The following GPR176 variants were observed in gnomAD, a reference collection of about 807,000 sequenced individuals.
GPR176 encodes G protein-coupled receptor 176.
In GPR176, 26 loss-of-function variants were observed where a neutral mutation model predicts 35.4. That is an observed-to-expected ratio of 0.74 (90% CI 0.54 to 1.02). The LOEUF (loss-of-function observed/expected upper bound fraction) is 1.02. Ranked by LOEUF, GPR176 falls within the 50% of genes least tolerant of loss-of-function variation. The probability of loss-of-function intolerance (pLI) is 0.00; values close to 1 mark genes in which losing one functional copy is unlikely to be tolerated. For missense variants in GPR176, 597 were observed against 665.3 expected, an observed-to-expected ratio of 0.90 and a Z score of 1.13; for synonymous variants, 278 against 271.3, an observed-to-expected ratio of 1.02 and a Z score of -0.24.
chr15:39,879,907 A>G (rs939009522), intron 1 of GPR176, among the ~76,000 whole-genome samples: 15 of 152,300 alleles, frequency 9.8e-5, no homozygotes, highest in African/African-American at 3.4e-4. Context: ...CTCATTTGCT[A>G]AAGATTTTAG....
chr15:39,878,023 T>G (rs535600955), intron 1 of GPR176, among the ~76,000 whole-genome samples: 2 of 152,216 alleles, frequency 1.3e-5, no homozygotes, highest in Admixed American at 1.3e-4. Context: ...GTATACATGA[T>G]GTTTTGATAT....
chr15:39,859,687 T>C (rs1257710305), intron 1 of GPR176, among the ~76,000 whole-genome samples: 2 of 152,162 alleles, frequency 1.3e-5, no homozygotes, highest in Admixed American at 6.5e-5. Context: ...GAAGATATTA[T>C]ACCAAGTAAA....
intron 1 of GPR176, among the ~76,000 whole-genome samples, chr15:39,872,019 A>G (rs1382843547): frequency 1.3e-5 from 2 of 152,206 alleles, no homozygotes; most frequent in African/African-American, 4.8e-5. Flanking sequence ...TTCAGCATTT[A>G]TTTTCTGAGC....
chr15:39,801,630 T>C lies in GPR176; in HGVS notation c.1050A>G (p.Thr350=), dbSNP rs1437293061. ...HRYSRRNVVS[T]GSGMAEASLE... is the part of the protein sequence containing the mutation. ...GGCTGGCCTCAGCCATGCCACTCCC[T>C]GTACTGACCACATTACGGCGACTGT... The change falls in exon 3 of 3, where the codon ACA becomes ACG. Residue 350 remains threonine, a synonymous_variant. Coordinates refer to ENST00000561100, the MANE Select transcript of GPR176 (RefSeq NM_007223.3). The C allele has an allele frequency of 6.2e-7, 1 of 1,614,032 alleles. No individual in the cohort carries two copies. The highest frequency in any genetic ancestry group is 1.3e-5 in the African/African-American group (1 of 74,930).
chr15:39,880,879 T>C (rs951782807), intron 1 of GPR176, among the ~76,000 whole-genome samples: 2 of 152,220 alleles, frequency 1.3e-5, no homozygotes, highest in African/African-American at 2.4e-5. Context: ...GCCTCATAAT[T>C]AGTCTCCCTA....
intron 1 of GPR176, among the ~76,000 whole-genome samples, chr15:39,855,565 G>A (rs1158086559): frequency 6.6e-6 from 1 of 152,104 alleles, no homozygotes; most frequent in East Asian, 1.9e-4. Context: ...TTTGGTTCTC[G>A]CAAGCAGCTG....
intron 1 of GPR176, among the ~76,000 whole-genome samples, chr15:39,886,018 G>A (rs888537480): frequency 5.3e-5 from 8 of 152,188 alleles, no homozygotes; most frequent in African/African-American, 1.9e-4. Flanking sequence ...TGGATCACCT[G>A]AGGTCGGGAG....
chr15:39,891,767 A>G (rs2032881790), intron 1 of GPR176, among the ~76,000 whole-genome samples: 1 of 152,190 alleles, frequency 6.6e-6, no homozygotes, highest in African/African-American at 2.4e-5. Flanking sequence ...TAAGCCCAGG[A>G]GTTGGAGACT....
chr15:39,811,178 T>C (rs1899522244), intron 1 of GPR176, among the ~76,000 whole-genome samples: 1 of 152,082 alleles, frequency 6.6e-6, no homozygotes, highest in Non-Finnish European at 1.5e-5. Flanking sequence ...TTTAGAATAT[T>C]TGTGTTTTTA....
rs552278425 is a variant in GPR176, at chr15:39,897,233, T to G, written c.172+22622A>C. On this transcript the variant is annotated intron_variant, in intron 1 of 2. Transcript: ENST00000561100. The stretch of plus-strand genomic sequence containing the variant: ...GTATCCTTAATGAAGCTGGCAATTC[T>G]GATTCTCTTTTGCATGCCTTTCTCC... Among the ~76,000 whole-genome samples the G allele has an allele frequency of 5.3e-5, 8 of 152,370 alleles. 1 individual carries two copies. In the South Asian group the frequency reaches 1.5e-3, roughly 28 times the overall value.
chr15:39,806,980 G>A, intron 2 of GPR176, 26 bp downstream of exon 2: 1 of 1,553,534 alleles, frequency 6.4e-7, no homozygotes, highest in Non-Finnish European at 8.7e-7. Flanking sequence ...AAAAAAAAAA[G>A]TTAGCTCCTG....
intron 1 of GPR176, among the ~76,000 whole-genome samples, chr15:39,851,465 T>C (rs2030860088): frequency 6.6e-6 from 1 of 152,186 alleles, no homozygotes; most frequent in Non-Finnish European, 1.5e-5. Flanking sequence ...CTCAAACTGA[T>C]GTTCTCATGT....
chr15:39,800,902 G>A lies in GPR176; in HGVS notation c.*230C>T, dbSNP rs1290835265. ...CTCTTGTCCCCACAGAGAATAATGT[G>A]GACTTCACTAAGGACATGGATCACT... is the stretch of plus-strand genomic sequence containing the variant. On this transcript the variant is annotated 3_prime_UTR_variant, in exon 3 of 3. Transcript: ENST00000561100. 2.1e-6 allele frequency: 1 copy of A among 477,932 alleles called. No individual in the cohort carries two copies. The highest frequency in any genetic ancestry group is 2.0e-5 in the African/African-American group (1 of 51,234). 29.6% of individuals were successfully genotyped at this position (477,932 alleles called of 1,614,324 possible).
rs768107128 is a variant in GPR176 at position 39,801,902 on chromosome 15, G to A, written c.778C>T (p.Arg260Trp). 15 of 1,613,266 alleles carry A rather than the reference G, an allele frequency of 9.3e-6. No homozygotes were observed. The highest frequency in any genetic ancestry group is 2.7e-5 in the African/African-American group (2 of 74,856). ...NTISIPYASQ[R>W]EAELHATLLS... is the part of the protein sequence containing the mutation. ...AGGGTGGCGTGCAGCTCGGCCTCCC[G>A]CTGGGAGGCATAGGGAATAGAGATG... Residue 260 changes from arginine (R) to tryptophan (W), a missense_variant, in exon 3 of 3, where the codon CGG becomes TGG. Arg to Trp is a moderately radical substitution (Grantham distance 101). This residue lies in a region of GPR176 where 220 missense variants were observed against 297.6 expected (regional missense o/e 0.74). Coordinates refer to ENST00000561100, the MANE Select transcript of GPR176 (RefSeq NM_007223.3).
intron 1 of GPR176, among the ~76,000 whole-genome samples, chr15:39,827,794 CCTA>C (rs1900780436): frequency 2.0e-5 from 3 of 152,170 alleles, no homozygotes; most frequent in Non-Finnish European, 2.9e-5. Flanking sequence ...CTTGCACAAT[CCTA>C]CTTTTGTAAA....
At chr15:39,869,155 A>ATT (rs1566957108) in intron 1 of GPR176, among the ~76,000 whole-genome samples, 9 of 34,812 alleles carry the variant, frequency 2.6e-4, no homozygotes, top group African/African-American at 5.0e-4. Context: ...TGCTTTTTAA[A>ATT]AAAAAAAAAA....
At chr15:39,810,162 A>G (rs1295481646) in intron 1 of GPR176, among the ~76,000 whole-genome samples, 1 of 151,476 alleles carries the variant, frequency 6.6e-6, no homozygotes, top group Non-Finnish European at 1.5e-5. Flanking sequence ...AAAAGACCTG[A>G]GTGATGAAAT....
At chr15:39,841,192 C>T (rs753684799) in intron 1 of GPR176, among the ~76,000 whole-genome samples, 44 of 152,108 alleles carry the variant, frequency 2.9e-4, no homozygotes, top group Non-Finnish European at 5.3e-4. Context: ...ATCCTGCTAG[C>T]TAGCTGTCCC....
rs151115834 is a variant in GPR176 at position 39,831,715 on chromosome 15, AC to A, written c.173-24458del. On this transcript the variant is annotated intron_variant, in intron 1 of 2. Transcript: ENST00000561100. ...CCTACCACCACAGCCCTGGTTTCAA[AC>A]CTCGTAATTTCTTGATTGCATCCCT... Among the ~76,000 whole-genome samples the A allele has an allele frequency of 1.9e-4, 29 of 152,008 alleles. No homozygotes were observed. In the East Asian group the frequency reaches 5.4e-3, roughly 28 times the overall value.
Sources: gnomAD v4.1 joint callset for allele counts (sites outside exome capture counted in the v4.1 genomes callset) on GRCh38, gnomAD v4.1.1 for gene constraint, gnomAD v4.1.1 regional missense constraint, MANE v1.5 for transcripts, NCBI Gene and HGNC (gene_info 2026-07-23, HGNC 2026-07-21) for gene names.